AGBL4: variants seen among roughly 807,000 people sequenced by gnomAD.
AGBL4 encodes the protein cytosolic carboxypeptidase 6.
Under a neutral mutation model 66.4 loss-of-function variants are expected in AGBL4, and 58 were observed. That is an observed-to-expected ratio of 0.87 (90% CI 0.71 to 1.09). The LOEUF (loss-of-function observed/expected upper bound fraction) is 1.09, where lower values mean the gene tolerates loss of function less well. Ranked by LOEUF, AGBL4 falls within the 50% of genes least tolerant of loss-of-function variation. The pLI, the probability that AGBL4 is intolerant of heterozygous loss-of-function variation, is 0.00. For missense variants in AGBL4, 579 were observed against 631.0 expected (o/e 0.92, Z 0.88); for synonymous variants, 234 against 222.9 (o/e 1.05, Z -0.44).
intron 6 of AGBL4, among the ~76,000 whole-genome samples, chr1:48,808,367 T>C (rs1645975389): frequency 6.6e-6 from 1 of 152,234 alleles, no homozygotes; most frequent in Admixed American, 6.5e-5. Flanking sequence ...TTAGTACTCC[T>C]GCTTTTTTTG....
intron 5 of AGBL4, among the ~76,000 whole-genome samples, chr1:49,016,609 C>T (rs1209020296): frequency 6.6e-6 from 1 of 152,154 alleles, no homozygotes; most frequent in Non-Finnish European, 1.5e-5. Flanking sequence ...TCTTCTGGCT[C>T]CTATTGGCTG....
chr1:49,531,177 C>A (rs1218762616), intron 3 of AGBL4, among the ~76,000 whole-genome samples: 1 of 152,072 alleles, frequency 6.6e-6, no homozygotes, highest in African/African-American at 2.4e-5. Context: ...GAAAAGAACC[C>A]TAGCATCAGT....
chr1:49,645,243 A>G (rs1645861890), intron 3 of AGBL4, among the ~76,000 whole-genome samples: 1 of 151,518 alleles, frequency 6.6e-6, no homozygotes, highest in South Asian at 2.1e-4. Flanking sequence ...TGAATAGATG[A>G]AATAGAAAAC....
chr1:49,541,660 T>G (rs1375145235), intron 3 of AGBL4, among the ~76,000 whole-genome samples: 1 of 152,150 alleles, frequency 6.6e-6, no homozygotes. Context: ...CAAGGAGCGC[T>G]GCCCCCTGCT....
chr1:49,094,445 C>G (rs999570275), intron 4 of AGBL4, among the ~76,000 whole-genome samples: 1 of 152,026 alleles, frequency 6.6e-6, no homozygotes, highest in Non-Finnish European at 1.5e-5. Flanking sequence ...TTGAGGTAAT[C>G]ATGTGGTTTT....
Position 49,366,401 on chromosome 1 carries a change from A to G in AGBL4, c.283-120537T>C, listed in dbSNP as rs1313499323. On this transcript the variant is annotated intron_variant, in intron 3 of 13. Transcript: ENST00000371839. ...TATTTAAAATGAGATGTCTATAAGAAGGAGAAAAAAAATCATCCCTCCATT... is the reference window on the plus strand; with the variant it reads ...TATTTAAAATGAGATGTCTATAAGAGGGAGAAAAAAAATCATCCCTCCATT... 2.6e-5 allele frequency among the ~76,000 whole-genome samples: 4 copies of G among 152,226 alleles called. No individual in the cohort carries two copies. The East Asian group carries it at 7.7e-4, about 29-fold the overall frequency.
chr1:49,558,557 T>A (rs1643957474), intron 3 of AGBL4, among the ~76,000 whole-genome samples: 1 of 152,128 alleles, frequency 6.6e-6, no homozygotes, highest in Non-Finnish European at 1.5e-5. Context: ...GCCAGGATGG[T>A]CTTGATCTCC....
intron 3 of AGBL4, among the ~76,000 whole-genome samples, chr1:49,477,565 C>A (rs1421516250): frequency 6.6e-6 from 1 of 152,072 alleles, no homozygotes; most frequent in Non-Finnish European, 1.5e-5. Flanking sequence ...CACTCAAGTT[C>A]TTTCAAACAC....
intron 5 of AGBL4, among the ~76,000 whole-genome samples, chr1:48,934,902 T>C (rs1655325101): frequency 6.6e-6 from 1 of 152,250 alleles, no homozygotes; most frequent in South Asian, 2.1e-4. Flanking sequence ...AGTTTCTTTG[T>C]ATGATCATGC....
intron 6 of AGBL4, among the ~76,000 whole-genome samples, chr1:48,698,197 T>C (rs1646744750): frequency 6.6e-6 from 1 of 152,154 alleles, no homozygotes; most frequent in African/African-American, 2.4e-5. Context: ...GCACTGAGGA[T>C]GGTTACCAGG....
intron 5 of AGBL4, among the ~76,000 whole-genome samples, chr1:48,938,333 T>A (rs1314318806): frequency 2.0e-5 from 3 of 152,144 alleles, no homozygotes; most frequent in African/African-American, 7.2e-5. Flanking sequence ...ATATGATCCC[T>A]GCCATCACGG....
intron 3 of AGBL4, among the ~76,000 whole-genome samples, chr1:49,292,549 C>G (rs930460542): frequency 1.3e-5 from 2 of 152,156 alleles, no homozygotes; most frequent in South Asian, 2.1e-4. Flanking sequence ...ACTGAGCAGA[C>G]ATGGGGATGA....
intron 6 of AGBL4, among the ~76,000 whole-genome samples, chr1:48,701,786 T>A (rs994472595): frequency 6.6e-6 from 1 of 152,234 alleles, no homozygotes; most frequent in African/African-American, 2.4e-5. Context: ...CCAGTTCCTT[T>A]GTTGGGTTTT....
chr1:48,930,135 T>C (rs1041265998), intron 5 of AGBL4, among the ~76,000 whole-genome samples: 2 of 152,140 alleles, frequency 1.3e-5, no homozygotes, highest in African/African-American at 4.8e-5. Flanking sequence ...CTTGCTGTAC[T>C]TGGGCCCAAA....
At chr1:49,505,004 G>A (rs1365958771) in intron 3 of AGBL4, among the ~76,000 whole-genome samples, 1 of 151,546 alleles carries the variant, frequency 6.6e-6, no homozygotes, top group Non-Finnish European at 1.5e-5. Context: ...TTTATCTTTT[G>A]TGTACCTACT....
At chr1:48,833,332 C>G (rs1260542257) in intron 6 of AGBL4, among the ~76,000 whole-genome samples, 3 of 152,168 alleles carry the variant, frequency 2.0e-5, no homozygotes, top group Non-Finnish European at 4.4e-5. Context: ...TGACAAAGAA[C>G]TTGGCTGAAC....
Position 49,979,447 on chromosome 1 carries a change from G to A in AGBL4, c.34+44316C>T, listed in dbSNP as rs1295628821. ...CTGCAGTCCGCAGTCCGGCCTGGGC[G>A]ACAGAGCGAGACTCCGCCTCAAAAA... On this transcript the variant is annotated intron_variant, in intron 1 of 13. Transcript: ENST00000371839. Among the ~76,000 whole-genome samples, 9 of 148,946 alleles carry A rather than the reference G, an allele frequency of 6.0e-5. 1 individual carries two copies. In the South Asian group the frequency reaches 1.5e-3, roughly 25 times the overall value.
At chr1:49,789,799 T>C (rs1027294713) in intron 2 of AGBL4, among the ~76,000 whole-genome samples, 1 of 152,112 alleles carries the variant, frequency 6.6e-6, no homozygotes, top group Non-Finnish European at 1.5e-5. Flanking sequence ...CAGGCTACCA[T>C]TGACTTTCTT....
At chr1:49,395,811 GTATACATATATATATATGTGTA>G (rs1442036922) in intron 3 of AGBL4, among the ~76,000 whole-genome samples, 5 of 107,446 alleles carry the variant, frequency 4.7e-5, no homozygotes, top group African/African-American at 1.8e-4. Context: ...ATATATATAT[GTATACATATATATATATGTGTA>G]TATATATATA....
Sources: allele counts gnomAD v4.1 joint callset (sites outside exome capture counted in the v4.1 genomes callset), GRCh38; gene constraint gnomAD v4.1.1; transcripts MANE v1.5; gene names NCBI Gene and HGNC (gene_info 2026-07-23, HGNC 2026-07-21).